Variants in CFAP74 observed in about 807,000 individuals in gnomAD.
CFAP74 encodes cilia and flagella associated protein 74.
In CFAP74, 124 loss-of-function variants were observed where a neutral mutation model predicts 188.9. The observed-to-expected ratio is 0.66, with a 90% CI of 0.57 to 0.76. The LOEUF (loss-of-function observed/expected upper bound fraction) is 0.76, where lower values mean the gene tolerates loss of function less well. CFAP74 is among the 30% of genes least tolerant of loss of function. The pLI is 0.00. For missense variants in CFAP74, 2,198 were observed against 2,165.2 expected (o/e 1.02, Z -0.30); for synonymous variants, 956 against 916.7 (o/e 1.04, Z -0.77).
At chr1:1,949,554 T>C (rs893117336) in intron 18 of CFAP74, among the ~76,000 whole-genome samples, 3 of 46,934 alleles carry the variant, frequency 6.4e-5, no homozygotes, top group African/African-American at 2.2e-4. Context: ...CTCTTCTTAG[T>C]GGAACTTTCT....
chr1:1,925,917 T>C lies in CFAP74; in HGVS notation c.3970A>G (p.Ile1324Val). ...SILAQETLDI[I>V]TKRGTLTLTL... ...AGGGTGAGCGTGCCTCTCTTGGTGA[T>C]GATGTCCAGTGTTTCTTGAGCCTAA... is the stretch of plus-strand genomic sequence containing the variant. Residue 1324 changes from isoleucine to valine, a missense_variant, in exon 33 of 39, where the codon ATC becomes GTC. Physicochemically the swap from Ile to Val is conservative, Grantham distance 29. Coordinates refer to ENST00000682832, the MANE Select transcript of CFAP74 (RefSeq NM_001304360.2). 1 of 1,610,838 alleles carries C rather than the reference T, an allele frequency of 6.2e-7. No homozygotes were observed. Among genetic ancestry groups the C allele is most frequent in the Non-Finnish European group, 8.5e-7 (1 of 1,179,070 alleles).
intron 20 of CFAP74, 21 bp downstream of exon 20, chr1:1,946,296 C>A: frequency 6.6e-7 from 1 of 1,525,972 alleles, no homozygotes; most frequent in Non-Finnish European, 8.8e-7. Flanking sequence ...GTGTGCGTGG[C>A]GTGGCAGCAG....
chr1:1,948,057 G>T (rs1354724738), intron 18 of CFAP74, among the ~76,000 whole-genome samples: 1 of 152,002 alleles, frequency 6.6e-6, no homozygotes, highest in Non-Finnish European at 1.5e-5. Flanking sequence ...ATTTTTAGTA[G>T]AGACGGGGTT....
At chr1:1,991,227 G>C (rs867262074) in intron 1 of CFAP74, among the ~76,000 whole-genome samples, 1 of 152,198 alleles carries the variant, frequency 6.6e-6, no homozygotes, top group Admixed American at 6.5e-5. Context: ...TGTAATCCCA[G>C]CACTTTGGGA....
Position 1,955,363 on chromosome 1 carries a change from G to GC in CFAP74, c.2176+327dup, listed in dbSNP as rs762389126. ...GCCACAGCTGCAGAGCTAGACAGAA[G>GC]CCCCCCGCAGCCCGGCCCCTCCAGG... On this transcript the variant is annotated intron_variant, in intron 18 of 38. Coordinates refer to ENST00000682832, the MANE Select transcript of CFAP74 (RefSeq NM_001304360.2). The GC allele has an allele frequency of 2.5e-5, 34 of 1,341,442 alleles. No homozygotes were observed. In the South Asian group the frequency reaches 3.1e-4, roughly 12 times the overall value. 83.1% of individuals were successfully genotyped at this position (1,341,442 alleles called of 1,614,324 possible).
chr1:1,968,931 T>A lies in CFAP74; in HGVS notation c.1047-98A>T, dbSNP rs1412961070. 8.8e-6 allele frequency: 6 copies of A among 679,798 alleles called. No homozygotes were observed. The highest frequency in any genetic ancestry group is 4.4e-5 in the African/African-American group (2 of 45,588). The allele number at this position is 679,798 out of a possible 1,614,324, so 42.1% of individuals were successfully genotyped here. A position where few individuals can be genotyped will look rare whatever the true frequency, so the allele number is the denominator to read the frequency against. ...CGGCGGCCCCTCCCTAGCGCCCTCCTGGGGGCTCCGGTCCTGCCCAGCAGC... is the reference window on the plus strand; with the variant it reads ...CGGCGGCCCCTCCCTAGCGCCCTCCAGGGGGCTCCGGTCCTGCCCAGCAGC... On this transcript the variant is annotated intron_variant, in intron 10 of 38. Transcript: ENST00000682832. The surrounding 1 kb of genome is among the most constrained non-coding windows in gnomAD (Gnocchi z 4.3).
At chr1:1,991,273 C>T (rs1051757518) in intron 1 of CFAP74, among the ~76,000 whole-genome samples, 4 of 152,024 alleles carry the variant, frequency 2.6e-5, no homozygotes, top group African/African-American at 7.2e-5. Flanking sequence ...GTCAGGAGTT[C>T]CAGACCAGCC....
At chr1:1,947,820 C>A (rs1478506417) in intron 18 of CFAP74, among the ~76,000 whole-genome samples, 1 of 152,174 alleles carries the variant, frequency 6.6e-6, no homozygotes, top group Non-Finnish European at 1.5e-5. Context: ...GACTTTGAAG[C>A]ACCATGCACA....
intron 18 of CFAP74, 69 bp downstream of exon 18, chr1:1,955,621 GC>G: frequency 6.2e-7 from 1 of 1,612,856 alleles, no homozygotes; most frequent in Non-Finnish European, 8.5e-7. Flanking sequence ...GGGCCCCTCA[GC>G]CCCCTGGAAT....
At position 1,947,065 on chromosome 1, in the gene CFAP74, AG is replaced by A. The variant is rs1401474710; in HGVS notation, c.2177-12del. On this transcript the variant is annotated splice_polypyrimidine_tract_variant and intron_variant, in intron 18 of 38. Coordinates refer to ENST00000682832, the MANE Select transcript of CFAP74 (RefSeq NM_001304360.2). ...TTAATCTCTCTGGTTCTGGAAGAGA[AG>A]GGGGATCCAGAGGTGAGGGTTGGCA... The A allele has an allele frequency of 1.3e-6, 2 of 1,533,558 alleles. No individual in the cohort carries two copies. Among genetic ancestry groups the A allele is most frequent in the Admixed American group, 3.9e-5 (2 of 50,992 alleles). The allele number at this position is 1,533,558 out of a possible 1,614,324, so 95.0% of individuals were successfully genotyped here. A position where few individuals can be genotyped will look rare whatever the true frequency, so the allele number is the denominator to read the frequency against.
chr1:1,928,024 G>T, intron 27 of CFAP74: 1 of 481,174 alleles, frequency 2.1e-6, no homozygotes, highest in Non-Finnish European at 3.8e-6. Context: ...TCCCCACCCT[G>T]GTGCCTTCCC....
chr1:1,952,514 G>T (rs1020122560), intron 18 of CFAP74, among the ~76,000 whole-genome samples: 2 of 150,680 alleles, frequency 1.3e-5, no homozygotes, highest in African/African-American at 4.9e-5. Context: ...GACCAAAACT[G>T]TATAACACAT....
chr1:1,977,590 C>T (rs553427553), intron 6 of CFAP74, among the ~76,000 whole-genome samples: 5 of 152,276 alleles, frequency 3.3e-5, no homozygotes, highest in Admixed American at 1.3e-4. Context: ...CACAGCAGGA[C>T]GTGGGGGAAG....
rs113335179 is a variant in CFAP74 at position 1,932,712 on chromosome 1, T to C, written c.3012-2376A>G. Among the ~76,000 whole-genome samples, 366 of 150,056 alleles carry C rather than the reference T, an allele frequency of 2.4e-3. 1 individual carries two copies. Among genetic ancestry groups the C allele is most frequent in the African/African-American group, 8.4e-3 (340 of 40,694 alleles). On this transcript the variant is annotated intron_variant, in intron 25 of 38. Transcript: ENST00000682832. Reference sequence around the variant, plus strand: ...GGGTTCAATGATTCTCCTGCCTCAGTCTCCCAAGTAGCTGGGACTACAGGC... The same window carrying C: ...GGGTTCAATGATTCTCCTGCCTCAGCCTCCCAAGTAGCTGGGACTACAGGC...
chr1:1,929,536 A>G (rs371880719), intron 26 of CFAP74, among the ~76,000 whole-genome samples: 2 of 150,546 alleles, frequency 1.3e-5, no homozygotes, highest in East Asian at 2.0e-4. Context: ...ATTTTGAATC[A>G]CTGCATTCAT....
chr1:1,982,473 C>T (rs1656965116), intron 6 of CFAP74, among the ~76,000 whole-genome samples: 1 of 152,242 alleles, frequency 6.6e-6, no homozygotes, highest in African/African-American at 2.4e-5. Context: ...AGGCTGTGCC[C>T]AGGAGCTCCA....
chr1:1,925,596 G>A (rs909641267), intron 33 of CFAP74, among the ~76,000 whole-genome samples, 187 bp downstream of exon 33: 1 of 152,186 alleles, frequency 6.6e-6, no homozygotes, highest in African/African-American at 2.4e-5. Flanking sequence ...CCAGAAACAG[G>A]CCCCGGGTTC....
intron 9 of CFAP74, 29 bp from the exon 10 acceptor site, chr1:1,970,845 G>A (rs1283480204): frequency 1.9e-6 from 3 of 1,611,698 alleles, no homozygotes; most frequent in African/African-American, 1.3e-5. Context: ...TGAGATGACA[G>A]CAGCAGCACC....
chr1:1,922,175 A>AAC lies in CFAP74; in HGVS notation c.*111_*112insGT. On this transcript the variant is annotated 3_prime_UTR_variant, in exon 39 of 39. Transcript: ENST00000682832. ...GCCATGTGGAGGGCGGCCTATTGGAATCTGGCAGAGGATGGCCAGGTCCCA... is the reference window on the plus strand; with the variant it reads ...GCCATGTGGAGGGCGGCCTATTGGAAACTCTGGCAGAGGATGGCCAGGTCCCA... The AAC allele has an allele frequency of 2.9e-6, 1 of 339,570 alleles. No individual in the cohort carries two copies. Among genetic ancestry groups the AAC allele is most frequent in the South Asian group, 2.5e-5 (1 of 40,558 alleles). The allele number at this position is 339,570 out of a possible 1,614,324, so 21.0% of individuals were successfully genotyped here. A position where few individuals can be genotyped will look rare whatever the true frequency, so the allele number is the denominator to read the frequency against.
Sources: allele counts gnomAD v4.1 joint callset (sites outside exome capture counted in the v4.1 genomes callset), GRCh38; gene constraint gnomAD v4.1.1; non-coding constraint Gnocchi (gnomAD v3.1); transcripts MANE v1.5; gene names NCBI Gene and HGNC (gene_info 2026-07-23, HGNC 2026-07-21).